The following GNAS variants were observed in gnomAD, a reference collection of about 807,000 sequenced individuals.
The protein encoded by GNAS is protein ALEX.
In GNAS, 8 loss-of-function variants were observed where a neutral mutation model predicts 54.5. The observed-to-expected ratio is 0.15, with a 90% CI of 0.09 to 0.26. The LOEUF (loss-of-function observed/expected upper bound fraction) is 0.26, where lower values mean the gene tolerates loss of function less well. GNAS is among the 10% of genes least tolerant of loss of function. The pLI, the probability that GNAS is intolerant of heterozygous loss-of-function variation, is 1.00. For synonymous variants in GNAS, 204 were observed against 191.4 expected (o/e 1.07, Z -0.54); for missense variants, 170 against 529.8 (o/e 0.32, Z 6.67).
intron 6 of GNAS, among the ~76,000 whole-genome samples, chr20:58,906,901 T>G (rs1266133007): frequency 6.6e-6 from 1 of 152,196 alleles, no homozygotes; most frequent in Non-Finnish European, 1.5e-5. Context: ...AATGATATTC[T>G]GAAGTAGGAG....
chr20:58,900,412 C>T (rs940020636), intron 3 of GNAS: 8 of 206,350 alleles, frequency 3.9e-5, no homozygotes, highest in South Asian at 1.8e-4. Flanking sequence ...TTTCAGCAAT[C>T]CCTGTATCTC....
In GNAS at chr20:58,898,794, A is replaced by AGAATTGCCGGGAGGATGGATGGCTGG. The variant is rs2090327949; in HGVS notation, c.213-146_213-121dup. The AGAATTGCCGGGAGGATGGATGGCTGG allele has an allele frequency of 3.8e-6, 3 of 792,916 alleles. No homozygotes were observed. In the African/African-American group the frequency reaches 5.0e-5, roughly 13 times the overall value. The allele number at this position is 792,916 out of a possible 1,614,324, so 49.1% of individuals were successfully genotyped here. A position where few individuals can be genotyped will look rare whatever the true frequency, so the allele number is the denominator to read the frequency against. ...CCAATTTAGCCAGAAAGGCGACCTAAGAATTGCCGGGAGGATGGATGGCTG... is the reference window on the plus strand; with the variant it reads ...CCAATTTAGCCAGAAAGGCGACCTAAGAATTGCCGGGAGGATGGATGGCTGGGAATTGCCGGGAGGATGGATGGCTG... On this transcript the variant is annotated intron_variant, in intron 2 of 12. Coordinates refer to ENST00000371085, the MANE Select transcript of GNAS (RefSeq NM_000516.7).
intron 3 of GNAS, chr20:58,899,581 A>T: frequency 1.8e-6 from 1 of 552,116 alleles, no homozygotes; most frequent in Non-Finnish European, 3.4e-6. Flanking sequence ...GAAATTCATG[A>T]TGGCATCTTT....
In GNAS at chr20:58,859,477, A is replaced by G. The variant is rs557264093; in HGVS notation, c.43+18591A>G. On this transcript the variant is annotated intron_variant, in intron 1 of 12. Transcript: ENST00000306090. ...CTCCCAAAGTACTGGGATTACAGGCATGAGCCACTGTGCCTGGCCACATTT... is the reference window on the plus strand; with the variant it reads ...CTCCCAAAGTACTGGGATTACAGGCGTGAGCCACTGTGCCTGGCCACATTT... Among the ~76,000 whole-genome samples, 18 of 152,174 alleles carry G rather than the reference A, an allele frequency of 1.2e-4. No individual in the cohort carries two copies. In the South Asian group the frequency reaches 3.7e-3, roughly 32 times the overall value.
rs1333000387 is a variant in GNAS, at chr20:58,849,762, C to A, written c.43+8876C>A. On this transcript the variant is annotated intron_variant, in intron 1 of 12. Coordinates refer to the GNAS transcript ENST00000306090. ...CCCCTCTTGAGTGCCGTCCTTCAGC[C>A]TTCCTGCTTCCTTCACCGTGCTAGG... 2.0e-5 allele frequency among the ~76,000 whole-genome samples: 3 copies of A among 152,220 alleles called. No individual in the cohort carries two copies. The East Asian group carries it at 5.8e-4, about 29-fold the overall frequency.
intron 1 of GNAS, chr20:58,854,538 T>TG: frequency 6.4e-7 from 1 of 1,562,730 alleles, no homozygotes; most frequent in Admixed American, 1.8e-5. Context: ...CTCCGGGGCA[T>TG]TCGCAGCCGA....
intron 1 of GNAS, chr20:58,855,619 G>A (rs1176373571): frequency 4.2e-6 from 3 of 713,700 alleles, no homozygotes; most frequent in Non-Finnish European, 5.2e-6. Context: ...GCCAGCAACC[G>A]TAAGCTGGAC....
chr20:58,879,971 G>GA (rs1009302668), intron 1 of GNAS, among the ~76,000 whole-genome samples: 143 of 151,948 alleles, frequency 9.4e-4, no homozygotes, highest in African/African-American at 3.3e-3. Flanking sequence ...TCTGTTCCTT[G>GA]AAAAAAAAGC....
At chr20:58,899,056 A>C (rs2090352040) in intron 3 of GNAS, 71 bp downstream of exon 3, 1 of 1,149,514 alleles carries the variant, frequency 8.7e-7, no homozygotes, top group Admixed American at 1.7e-5. Context: ...TGGGAAACTG[A>C]GGCCAGAGAC....
At chr20:58,900,277 T>G in intron 3 of GNAS, 1 of 447,916 alleles carries the variant, frequency 2.2e-6, no homozygotes, top group South Asian at 2.7e-5. Flanking sequence ...AGCAACCTAC[T>G]GTGTACTAGA....
At chr20:58,852,818 A>AGGAGCAGGCTCCTGGAGCC (rs2086235690) in intron 1 of GNAS, 2 of 232,890 alleles carry the variant, frequency 8.6e-6, no homozygotes, top group African/African-American at 4.4e-5. Flanking sequence ...CCCTGGCGCC[A>AGGAGCAGGCTCCTGGAGCC]GGAGCAGGCT....
At position 58,841,729 on chromosome 20, in the gene GNAS, G is replaced by A. The variant is rs2085737799; in HGVS notation, c.43+843G>A. On this transcript the variant is annotated intron_variant, in intron 1 of 12. Transcript: ENST00000306090. The surrounding 1 kb of genome is among the most constrained non-coding windows in gnomAD (Gnocchi z 5.0). The stretch of plus-strand genomic sequence containing the variant: ...GATGCCCCTACGGGCTACCAGGGTT[G>A]AACGCACAGGCATGGTCACGTCGGG... 1.6e-6 allele frequency: 2 copies of A among 1,224,472 alleles called. No individual in the cohort carries two copies. The highest frequency in any genetic ancestry group is 3.2e-5 in the East Asian group (1 of 31,326). 75.9% of individuals were successfully genotyped at this position (1,224,472 alleles called of 1,614,324 possible). A position where few individuals can be genotyped will look rare whatever the true frequency, so the allele number is the denominator to read the frequency against.
At chr20:58,905,047 T>G (rs2090947208) in intron 5 of GNAS, among the ~76,000 whole-genome samples, 1 of 152,198 alleles carries the variant, frequency 6.6e-6, no homozygotes, top group Non-Finnish European at 1.5e-5. Flanking sequence ...TATTGGCATA[T>G]TCTAACACAT....
chr20:58,886,749 T>G (rs148628358), upstream of GNAS, among the ~76,000 whole-genome samples: 116 of 152,114 alleles, frequency 7.6e-4, 3 homozygotes, highest in East Asian at 7.3e-3. Context: ...TTGTGTGGAG[T>G]GAAAACAGAC....
chr20:58,855,082 A>G, intron 1 of GNAS: 1 of 1,613,474 alleles, frequency 6.2e-7, no homozygotes, highest in Non-Finnish European at 8.5e-7. Context: ...CCCCAGCGCA[A>G]CTTACTCCGC....
Position 58,903,599 on chromosome 20 carries a change from C to T in GNAS, c.312+14C>T. On this transcript the variant is annotated intron_variant, in intron 4 of 12. Coordinates refer to ENST00000371085, the MANE Select transcript of GNAS (RefSeq NM_000516.7). ...GAGGCGATTGAAGTACGTGCTGGCTCCTTGTGCTGTCTGTCTTGTAGCGCC... is the reference window on the plus strand; with the variant it reads ...GAGGCGATTGAAGTACGTGCTGGCTTCTTGTGCTGTCTGTCTTGTAGCGCC... The T allele has an allele frequency of 1.2e-6, 2 of 1,614,126 alleles. No homozygotes were observed. The highest frequency in any genetic ancestry group is 1.7e-4 in the Middle Eastern group (1 of 6,060).
intron 1 of GNAS, among the ~76,000 whole-genome samples, chr20:58,893,703 G>A (rs2089754591): frequency 6.6e-6 from 1 of 152,158 alleles, no homozygotes; most frequent in African/African-American, 2.4e-5. Flanking sequence ...ACTTTTAAAG[G>A]CAGAATTATG....
At chr20:58,879,754 G>A (rs1031598079) in intron 1 of GNAS, among the ~76,000 whole-genome samples, 2 of 152,162 alleles carry the variant, frequency 1.3e-5, no homozygotes, top group African/African-American at 2.4e-5. Flanking sequence ...GACGTGGAGA[G>A]AGAACCGTGT....
intron 3 of GNAS, 139 bp from the exon 4 acceptor site, chr20:58,903,392 C>G (rs2090806870): frequency 1.3e-6 from 1 of 787,844 alleles, no homozygotes; most frequent in African/African-American, 1.7e-5. Context: ...CAGCTACCTC[C>G]AATCTTTGCA....
Sources: allele counts gnomAD v4.1 joint callset (sites outside exome capture counted in the v4.1 genomes callset), GRCh38; gene constraint gnomAD v4.1.1; non-coding constraint Gnocchi (gnomAD v3.1); transcripts MANE v1.5; gene names NCBI Gene and HGNC (gene_info 2026-07-23, HGNC 2026-07-21).